The following RORA variants were observed in gnomAD, a reference collection of about 807,000 sequenced individuals.
RORA encodes the protein RAR related orphan receptor A.
Under a neutral mutation model 69.5 loss-of-function variants are expected in RORA, and 7 were observed. That is an observed-to-expected ratio of 0.10 (90% CI 0.06 to 0.19). RORA has a LOEUF of 0.19. Ranked by LOEUF, RORA falls within the 10% of genes least tolerant of loss-of-function variation. RORA has a pLI of 1.00. For synonymous variants in RORA, 261 were observed against 240.8 expected (o/e 1.08, Z -0.78); for missense variants, 457 against 663.0 (o/e 0.69, Z 3.41).
At chr15:60,508,829 T>C (rs1325916113) in intron 5 of RORA, among the ~76,000 whole-genome samples, 1 of 152,242 alleles carries the variant, frequency 6.6e-6, no homozygotes, top group Non-Finnish European at 1.5e-5. Flanking sequence ...TAGATATCAA[T>C]TATAGTAACA....
chr15:61,106,014 A>AT (rs1223899839), intron 1 of RORA, among the ~76,000 whole-genome samples: 2 of 152,232 alleles, frequency 1.3e-5, no homozygotes, highest in Non-Finnish European at 2.9e-5. Flanking sequence ...CAAAAGTGGT[A>AT]TATGGGTTCA....
chr15:61,192,831 T>C (rs1200873764), intron 1 of RORA, among the ~76,000 whole-genome samples: 1 of 152,214 alleles, frequency 6.6e-6, no homozygotes, highest in Non-Finnish European at 1.5e-5. Context: ...CATCTCAGTC[T>C]ACATTTTCTA....
rs184128338 is a variant in RORA, at chr15:60,941,230, C to G, written c.167-262544G>C. On this transcript the variant is annotated intron_variant, in intron 1 of 10. Coordinates refer to ENST00000335670, the MANE Select transcript of RORA (RefSeq NM_134261.3). ...CAGTTCAACCTCTGGTTAATTCAAG[C>G]TGGGTCTAAAAGGCACTAAATTGAG... is the stretch of plus-strand genomic sequence containing the variant. 1.1e-3 allele frequency among the ~76,000 whole-genome samples: 162 copies of G among 152,314 alleles called. 1 individual carries two copies. The highest frequency in any genetic ancestry group is 2.0e-3 in the Admixed American group (30 of 15,298).
chr15:61,108,731 A>T (rs2078975076), intron 1 of RORA, among the ~76,000 whole-genome samples: 1 of 152,194 alleles, frequency 6.6e-6, no homozygotes, highest in Non-Finnish European at 1.5e-5. Context: ...TTATTGTATG[A>T]TTAATTCAAC....
intron 2 of RORA, among the ~76,000 whole-genome samples, chr15:60,618,471 C>T (rs2069315319): frequency 6.6e-6 from 1 of 152,148 alleles, no homozygotes; most frequent in South Asian, 2.1e-4. Context: ...AAAAATGTGT[C>T]AAATGTTGGA....
chr15:60,731,742 A>ATGTT (rs1194115476), intron 1 of RORA, among the ~76,000 whole-genome samples: 2 of 152,246 alleles, frequency 1.3e-5, no homozygotes, highest in African/African-American at 2.4e-5. Flanking sequence ...AGCCACTACC[A>ATGTT]GTTGACTGCT....
intron 1 of RORA, among the ~76,000 whole-genome samples, chr15:60,802,157 C>A (rs1339815287): frequency 1.3e-5 from 2 of 152,154 alleles, no homozygotes; most frequent in East Asian, 1.9e-4. Flanking sequence ...AGTGCTGGAT[C>A]CTTACAGACC....
chr15:60,648,540 G>C (rs1169757431), intron 2 of RORA, among the ~76,000 whole-genome samples: 1 of 152,156 alleles, frequency 6.6e-6, no homozygotes, highest in African/African-American at 2.4e-5. Flanking sequence ...ACATGCCATG[G>C]ATTAAACACT....
chr15:61,134,657 A>T (rs1223735256), intron 1 of RORA, among the ~76,000 whole-genome samples: 1 of 152,236 alleles, frequency 6.6e-6, no homozygotes, highest in East Asian at 1.9e-4. Context: ...AAATGTGCTT[A>T]TAAAATCACA....
chr15:60,941,747 A>G (rs1892702572), intron 1 of RORA, among the ~76,000 whole-genome samples: 1 of 152,224 alleles, frequency 6.6e-6, no homozygotes, highest in African/African-American at 2.4e-5. Flanking sequence ...ACATGTTAGC[A>G]TTAGCAACCC....
chr15:61,118,454 T>C (rs1342931510), intron 1 of RORA, among the ~76,000 whole-genome samples: 1 of 152,120 alleles, frequency 6.6e-6, no homozygotes, highest in Non-Finnish European at 1.5e-5. Flanking sequence ...CAACCAAACA[T>C]GATTTGGAAG....
intron 2 of RORA, among the ~76,000 whole-genome samples, chr15:60,644,261 GC>G (rs1284541065): frequency 6.6e-6 from 1 of 152,102 alleles, no homozygotes; most frequent in Non-Finnish European, 1.5e-5. Flanking sequence ...TTTGACACAG[GC>G]CCCTAATTAT....
chr15:61,229,061 G>A lies in RORA; in HGVS notation c.158C>T (p.Thr53Ile), dbSNP rs1160274857. The A allele has an allele frequency of 1.3e-6, 2 of 1,526,862 alleles. No individual in the cohort carries two copies. Among genetic ancestry groups the A allele is most frequent in the Non-Finnish European group, 1.8e-6 (2 of 1,137,336 alleles). 94.6% of individuals were successfully genotyped at this position (1,526,862 alleles called of 1,614,324 possible). A position where few individuals can be genotyped will look rare whatever the true frequency, so the allele number is the denominator to read the frequency against. Reference protein sequence around the residue: ...APVRRQSYSSTSRGISVTKKT... With the variant: ...APVRRQSYSSISRGISVTKKT... ...CCTCTCCAGCCTCCTACCTCTGCTG[G>A]TGCTGGAATAGCTCTGTCTGCGCAC... The change falls in exon 1 of 11, where the codon ACC becomes ATC. Residue 53 changes from threonine (T) to isoleucine (I), a missense_variant. Physicochemically the swap from Thr to Ile is moderately conservative, Grantham distance 89. This residue lies in a region of RORA where 119 missense variants were observed against 92.4 expected (regional missense o/e 1.29). Coordinates refer to ENST00000335670, the MANE Select transcript of RORA (RefSeq NM_134261.3).
chr15:60,542,685 TCC>T (rs1323493471), intron 2 of RORA, among the ~76,000 whole-genome samples: 9 of 102,356 alleles, frequency 8.8e-5, no homozygotes, highest in African/African-American at 4.3e-4. Context: ...CGGGCACACC[TCC>T]CACACACGGC....
chr15:60,516,471 G>T (rs1471757718), intron 3 of RORA, among the ~76,000 whole-genome samples: 1 of 150,426 alleles, frequency 6.6e-6, no homozygotes, highest in Admixed American at 6.7e-5. Context: ...GGTAAGTAGA[G>T]TCATTTCCAT....
At chr15:60,709,385 C>A (rs145056531) in intron 1 of RORA, among the ~76,000 whole-genome samples, 95 of 152,276 alleles carry the variant, frequency 6.2e-4, no homozygotes, top group African/African-American at 2.2e-3. Context: ...TATGAAGTAA[C>A]AGACTGAGGA....
At chr15:60,915,035 G>A (rs1891832494) in intron 1 of RORA, among the ~76,000 whole-genome samples, 1 of 152,164 alleles carries the variant, frequency 6.6e-6, no homozygotes, top group Non-Finnish European at 1.5e-5. Context: ...GGAGATCAGA[G>A]AGACTATCTA....
At chr15:60,983,459 C>T (rs1192194045) in intron 1 of RORA, among the ~76,000 whole-genome samples, 2 of 152,138 alleles carry the variant, frequency 1.3e-5, no homozygotes, top group African/African-American at 4.8e-5. Flanking sequence ...ATCCTCTTCC[C>T]TTTCTAGTTT....
intron 1 of RORA, among the ~76,000 whole-genome samples, chr15:60,742,540 A>C (rs1339898488): frequency 1.3e-5 from 2 of 152,346 alleles, no homozygotes; most frequent in East Asian, 3.9e-4. Context: ...ATTTATTATT[A>C]TTAATTGTGG....
Sources: gnomAD v4.1 joint callset for allele counts (sites outside exome capture counted in the v4.1 genomes callset) on GRCh38, gnomAD v4.1.1 for gene constraint, gnomAD v4.1.1 regional missense constraint, MANE v1.5 for transcripts, NCBI Gene and HGNC (gene_info 2026-07-23, HGNC 2026-07-21) for gene names.